The following ARHGAP12 variants were observed in gnomAD, a reference collection of about 807,000 sequenced individuals.
ARHGAP12 encodes the protein Rho GTPase activating protein 12.
Under a neutral mutation model 108.6 loss-of-function variants are expected in ARHGAP12, and 64 were observed. The ratio of observed to expected loss-of-function variants is 0.59; its 90% CI spans 0.48 to 0.73. The LOEUF is 0.73. Among genes scored for constraint, ARHGAP12 ranks in the 30% least tolerant of loss-of-function variants. The probability of loss-of-function intolerance (pLI) is 0.00; values close to 1 mark genes in which losing one functional copy is unlikely to be tolerated. For missense variants in ARHGAP12, 940 were observed against 1,005.9 expected (o/e 0.93, Z 0.89); for synonymous variants, 312 against 337.2 (o/e 0.93, Z 0.82).
chr10:31,831,740 G>T lies in ARHGAP12; in HGVS notation c.1447C>A (p.Arg483=). The T allele has an allele frequency of 6.4e-7, 1 of 1,570,926 alleles. No individual in the cohort carries two copies. The highest frequency in any genetic ancestry group is 8.7e-7 in the Non-Finnish European group (1 of 1,144,666). Residue 483 remains arginine, a splice_region_variant and synonymous_variant, in exon 10 of 20, where the codon CGA becomes AGA. Coordinates refer to ENST00000344936, the MANE Select transcript of ARHGAP12 (RefSeq NM_018287.7). ...AACATTAAAGACTTGTGTACTTACC[G>T]AACCTTTTTCCCATTTTCAGCAATT... The part of the protein sequence containing the change: ...TKIAENGKKV[R]KNWLSSWAVL...
At chr10:31,861,184 G>C (rs1012806200) in intron 4 of ARHGAP12, among the ~76,000 whole-genome samples, 1 of 152,212 alleles carries the variant, frequency 6.6e-6, no homozygotes, top group African/African-American at 2.4e-5. Context: ...GAACTAGTAC[G>C]CACACAGGTT....
intron 3 of ARHGAP12, among the ~76,000 whole-genome samples, chr10:31,885,349 C>A (rs989372853): frequency 6.6e-6 from 1 of 152,136 alleles, no homozygotes; most frequent in Non-Finnish European, 1.5e-5. Flanking sequence ...AGAAAACACA[C>A]GTTAAGTATC....
chr10:31,860,215 C>T (rs889216838), intron 4 of ARHGAP12, among the ~76,000 whole-genome samples: 6 of 152,182 alleles, frequency 3.9e-5, no homozygotes, highest in Non-Finnish European at 8.8e-5. Context: ...TTATTAACTA[C>T]AAAAAGCTTT....
Position 31,861,381 on chromosome 10 carries a change from T to C in ARHGAP12, c.948+14A>G. 1.9e-6 allele frequency: 3 copies of C among 1,586,182 alleles called. No homozygotes were observed. The highest frequency in any genetic ancestry group is 2.6e-6 in the Non-Finnish European group (3 of 1,170,664). Reference sequence around the variant, plus strand: ...AATCTGGTAACTTGCAGTTGATTCCTTAATTACTCATACCTCTTGATCCCC... The same window carrying C: ...AATCTGGTAACTTGCAGTTGATTCCCTAATTACTCATACCTCTTGATCCCC... On this transcript the variant is annotated intron_variant, in intron 4 of 19. Transcript: ENST00000344936.
At chr10:31,874,270 A>G (rs1837644150) in intron 3 of ARHGAP12, among the ~76,000 whole-genome samples, 1 of 152,220 alleles carries the variant, frequency 6.6e-6, no homozygotes, top group Non-Finnish European at 1.5e-5. Context: ...TGATAACTGA[A>G]TATTCTTTTT....
chr10:31,861,624 G>C lies in ARHGAP12; in HGVS notation c.719C>G (p.Ser240Cys), dbSNP rs895452236. 2.5e-6 allele frequency: 4 copies of C among 1,609,756 alleles called. No individual in the cohort carries two copies. In the African/African-American group the frequency reaches 5.4e-5, roughly 22 times the overall value. ...TTCTTGAAGGTTAGCATAGACAGGA[G>C]AATCTGGCCTTCCTTGATTTGGAGG... ...TTPPNQGRPD[S>C]PVYANLQELK... Residue 240 changes from serine (S) to cysteine (C), a missense_variant, in exon 4 of 20, where the codon TCT (serine) becomes TGT (cysteine). Coordinates refer to ENST00000344936, the MANE Select transcript of ARHGAP12 (RefSeq NM_018287.7).
intron 3 of ARHGAP12, among the ~76,000 whole-genome samples, chr10:31,880,896 C>T (rs1159316627): frequency 7.4e-6 from 1 of 135,166 alleles, no homozygotes; most frequent in African/African-American, 2.7e-5. Context: ...TTTGACTCTA[C>T]CAAAAAAAAA....
intron 1 of ARHGAP12, among the ~76,000 whole-genome samples, chr10:31,928,174 G>GCGCGCACA (rs149445215): frequency 1.3e-5 from 2 of 149,296 alleles, no homozygotes; most frequent in African/African-American, 4.9e-5. Context: ...GGCCTTTTGC[G>GCGCGCACA]CACACACACA....
At chr10:31,809,516 G>C (rs1366424686) in intron 16 of ARHGAP12, 1 of 527,074 alleles carries the variant, frequency 1.9e-6, no homozygotes, top group Non-Finnish European at 3.4e-6. Context: ...ATAAACAGCA[G>C]TAATTCTACT....
Position 31,809,551 on chromosome 10 carries a change from C to T in ARHGAP12, c.2051-244G>A, listed in dbSNP as rs1404878001. On this transcript the variant is annotated intron_variant, in intron 16 of 19. Transcript: ENST00000344936. ...TCTGCTCATCATATAGACTGTGAATCAGCTCAAGGAAATGGTTTCATTAAT... is the reference window on the plus strand; with the variant it reads ...TCTGCTCATCATATAGACTGTGAATTAGCTCAAGGAAATGGTTTCATTAAT... 4.9e-5 allele frequency: 19 copies of T among 388,260 alleles called. No individual in the cohort carries two copies. In the East Asian group the frequency reaches 8.3e-4, roughly 17 times the overall value. 24.1% of individuals were successfully genotyped at this position (388,260 alleles called of 1,614,324 possible). A position where few individuals can be genotyped will look rare whatever the true frequency, so the allele number is the denominator to read the frequency against.
intron 3 of ARHGAP12, among the ~76,000 whole-genome samples, chr10:31,865,519 C>G (rs1483949740): frequency 1.3e-5 from 2 of 151,940 alleles, no homozygotes; most frequent in Non-Finnish European, 2.9e-5. Flanking sequence ...CTTTTCAAAA[C>G]CCAAGTGGAA....
intron 3 of ARHGAP12, among the ~76,000 whole-genome samples, chr10:31,896,599 G>A (rs1357662466): frequency 6.6e-6 from 1 of 151,934 alleles, no homozygotes; most frequent in South Asian, 2.1e-4. Context: ...CATATTAAAC[G>A]AACATCAATG....
At chr10:31,923,384 A>G (rs1031032095) in intron 1 of ARHGAP12, among the ~76,000 whole-genome samples, 5 of 152,222 alleles carry the variant, frequency 3.3e-5, no homozygotes, top group African/African-American at 1.2e-4. Flanking sequence ...CTGAACCAGC[A>G]TTTGAAATAA....
rs891218256 is a variant in ARHGAP12, at chr10:31,862,727, C to G, written c.685-1069G>C. 3.5e-4 allele frequency among the ~76,000 whole-genome samples: 53 copies of G among 149,456 alleles called. No homozygotes were observed. In the East Asian group the frequency reaches 4.5e-3, roughly 13 times the overall value. ...ACAGACACACACACACACACACACA[C>G]ACACACACACACACACACACACACG... On this transcript the variant is annotated intron_variant, in intron 3 of 19. Transcript: ENST00000344936.
At chr10:31,904,466 T>C (rs568476186) in intron 3 of ARHGAP12, among the ~76,000 whole-genome samples, 63 of 152,218 alleles carry the variant, frequency 4.1e-4, no homozygotes, top group African/African-American at 1.3e-3. Flanking sequence ...AGGGAATTGG[T>C]TATGGCTGTA....
At chr10:31,886,509 A>T (rs1366111791) in intron 3 of ARHGAP12, among the ~76,000 whole-genome samples, 1 of 152,204 alleles carries the variant, frequency 6.6e-6, no homozygotes, top group Non-Finnish European at 1.5e-5. Flanking sequence ...CCAGTATCAG[A>T]ATCCAAGTAC....
At chr10:31,907,853 A>G (rs1354282458) in intron 3 of ARHGAP12, among the ~76,000 whole-genome samples, 1 of 152,226 alleles carries the variant, frequency 6.6e-6, no homozygotes, top group African/African-American at 2.4e-5. Flanking sequence ...ATTAGAAGAA[A>G]TATCATCACT....
chr10:31,914,870 C>T (rs57634978), intron 1 of ARHGAP12, among the ~76,000 whole-genome samples: 7,764 of 152,086 alleles, frequency 0.051, 649 homozygotes, highest in African/African-American at 0.17. Context: ...TCGAAATAGG[C>T]AAGATATAGA....
At chr10:31,883,659 C>T (rs922738193) in intron 3 of ARHGAP12, among the ~76,000 whole-genome samples, 3 of 151,950 alleles carry the variant, frequency 2.0e-5, no homozygotes, top group African/African-American at 7.3e-5. Context: ...CAACTTGAAA[C>T]TGAGTATTTT....
Sources: gnomAD v4.1 joint callset for allele counts (sites outside exome capture counted in the v4.1 genomes callset) on GRCh38, gnomAD v4.1.1 for gene constraint, MANE v1.5 for transcripts, NCBI Gene and HGNC (gene_info 2026-07-23, HGNC 2026-07-21) for gene names.